RNLS: variants seen among roughly 807,000 people sequenced by gnomAD.
RNLS encodes renalase, FAD dependent amine oxidase.
A neutral mutation model predicts 39.8 loss-of-function variants in RNLS; 39 were observed. The observed-to-expected ratio is 0.98, with a 90% confidence interval of 0.76 to 1.28. RNLS has a LOEUF of 1.28. Among genes scored for constraint, RNLS ranks in the 50% most tolerant of loss-of-function variants. The pLI is 0.00. For missense variants in RNLS, 410 were observed against 413.3 expected, an observed-to-expected ratio of 0.99 and a Z score of 0.07; for synonymous variants, 147 against 150.7, an observed-to-expected ratio of 0.98 and a Z score of 0.18.
chr10:88,375,225 CA>C (rs1218086125), intron 4 of RNLS, among the ~76,000 whole-genome samples: 1 of 151,808 alleles, frequency 6.6e-6, no homozygotes, highest in East Asian at 1.9e-4. Flanking sequence ...TCAAAGAGAA[CA>C]AAAAAACCCC....
At chr10:88,555,137 A>T (rs968211806) in intron 4 of RNLS, among the ~76,000 whole-genome samples, 8 of 152,108 alleles carry the variant, frequency 5.3e-5, no homozygotes, top group African/African-American at 1.9e-4. Flanking sequence ...TTAGAAAAAA[A>T]TGTCTAAGAA....
intron 4 of RNLS, among the ~76,000 whole-genome samples, chr10:88,406,288 AG>A (rs1853263442): frequency 6.6e-6 from 1 of 152,166 alleles, no homozygotes; most frequent in African/African-American, 2.4e-5. Context: ...AGGCTGGGGA[AG>A]TTTTCCTCGA....
intron 4 of RNLS, among the ~76,000 whole-genome samples, chr10:88,378,900 G>A (rs1851234591): frequency 6.6e-6 from 1 of 152,072 alleles, no homozygotes; most frequent in Admixed American, 6.6e-5. Flanking sequence ...GAGGGTGAAG[G>A]AGAAGTTTTC....
intron 5 of RNLS, among the ~76,000 whole-genome samples, chr10:88,330,070 G>GAT (rs59527333): frequency 0.019 from 2,715 of 140,460 alleles, 39 homozygotes; most frequent in African/African-American, 0.043. Context: ...TCTGTTTTGA[G>GAT]ATATATATAT....
At chr10:88,194,865 C>T in the RNLS span, among the ~76,000 whole-genome samples, 6 of 152,110 alleles carry the variant, frequency 3.9e-5, no homozygotes, top group African/African-American at 1.2e-4. Flanking sequence ...CTAAATAGTA[C>T]AAAAAGAGGA....
chr10:88,383,321 G>A (rs1278879507), intron 4 of RNLS, among the ~76,000 whole-genome samples: 1 of 152,080 alleles, frequency 6.6e-6, no homozygotes, highest in Non-Finnish European at 1.5e-5. Flanking sequence ...TTTTGGAAAT[G>A]AGCTTTCCTA....
chr10:88,200,531 CTA>C, the RNLS span, among the ~76,000 whole-genome samples: 1 of 152,182 alleles, frequency 6.6e-6, no homozygotes, highest in African/African-American at 2.4e-5. Flanking sequence ...TGCTTTGTAT[CTA>C]TGTCTGTCTC....
chr10:88,363,922 T>A (rs1180707174), intron 4 of RNLS, among the ~76,000 whole-genome samples: 1 of 152,180 alleles, frequency 6.6e-6, no homozygotes, highest in Non-Finnish European at 1.5e-5. Flanking sequence ...GCTTGGCATA[T>A]AATAAGTGTT....
At chr10:88,576,752 A>C (rs894292993) in intron 3 of RNLS, among the ~76,000 whole-genome samples, 8 of 152,202 alleles carry the variant, frequency 5.3e-5, no homozygotes, top group Admixed American at 5.2e-4. Flanking sequence ...GAGAATAATA[A>C]AAGTAAATAT....
intron 4 of RNLS, among the ~76,000 whole-genome samples, chr10:88,469,563 A>C (rs1471001501): frequency 6.6e-6 from 1 of 152,192 alleles, no homozygotes; most frequent in Non-Finnish European, 1.5e-5. Flanking sequence ...TTAAAGAAAT[A>C]CTGAATTAAA....
chr10:88,289,882 C>G (rs1056170211), intron 6 of RNLS, among the ~76,000 whole-genome samples: 2 of 152,124 alleles, frequency 1.3e-5, no homozygotes, highest in Admixed American at 1.3e-4. Context: ...CCTCTGGCCT[C>G]AGACTGTGCA....
chr10:88,555,928 C>A (rs1037084587), intron 4 of RNLS, among the ~76,000 whole-genome samples: 1 of 152,118 alleles, frequency 6.6e-6, no homozygotes, highest in African/African-American at 2.4e-5. Context: ...AGTTCCATGG[C>A]TTTAAATACT....
chr10:88,403,372 T>C (rs1037026456), intron 4 of RNLS, among the ~76,000 whole-genome samples: 10 of 152,106 alleles, frequency 6.6e-5, no homozygotes, highest in Non-Finnish European at 1.5e-5. Flanking sequence ...ATGGTGTACA[T>C]GGTAAATAGA....
At chr10:88,281,180 A>G (rs1037491129), downstream of RNLS, among the ~76,000 whole-genome samples, 1 of 152,084 alleles carries the variant, frequency 6.6e-6, no homozygotes, top group African/African-American at 2.4e-5. Flanking sequence ...CCTGCCACAG[A>G]CCTCTTTCTC....
Position 88,317,651 on chromosome 10 carries a change from A to G in RNLS, c.701-3010T>C, listed in dbSNP as rs566416974. Among the ~76,000 whole-genome samples the G allele has an allele frequency of 3.3e-5, 5 of 152,328 alleles. No homozygotes were observed. The South Asian group carries it at 1.0e-3, about 32-fold the overall frequency. ...GCATTGAGTATGTTCACTTTGTTCTATAACAGTCACCATCAAGCTGCTGGT... is the reference window on the plus strand; with the variant it reads ...GCATTGAGTATGTTCACTTTGTTCTGTAACAGTCACCATCAAGCTGCTGGT... On this transcript the variant is annotated intron_variant, in intron 5 of 6. Transcript: ENST00000331772.
chr10:88,229,570 T>G, the RNLS span, among the ~76,000 whole-genome samples: 1 of 152,236 alleles, frequency 6.6e-6, no homozygotes, highest in Non-Finnish European at 1.5e-5. Flanking sequence ...CAATGGCCTT[T>G]TAGTACATCC....
intron 4 of RNLS, among the ~76,000 whole-genome samples, chr10:88,384,206 C>A (rs1256915592): frequency 1.3e-5 from 2 of 152,062 alleles, no homozygotes; most frequent in African/African-American, 4.8e-5. Flanking sequence ...TCTCTTATGT[C>A]CTTTATTGTC....
At chr10:88,341,067 A>AAAC (rs1160670366) in intron 5 of RNLS, among the ~76,000 whole-genome samples, 6 of 148,426 alleles carry the variant, frequency 4.0e-5, no homozygotes, top group East Asian at 2.0e-4. Context: ...TCAAAAAAAA[A>AAAC]AAAACAAAAA....
intron 4 of RNLS, among the ~76,000 whole-genome samples, chr10:88,447,667 T>A (rs1447090402): frequency 6.6e-6 from 1 of 152,186 alleles, no homozygotes; most frequent in Non-Finnish European, 1.5e-5. Context: ...ACTTTAGAGT[T>A]CATATGGAAC....
Sources: allele counts gnomAD v4.1 joint callset (sites outside exome capture counted in the v4.1 genomes callset), GRCh38; gene constraint gnomAD v4.1.1; transcripts MANE v1.5; gene names NCBI Gene and HGNC (gene_info 2026-07-23, HGNC 2026-07-21).